WWOX: variants seen among roughly 807,000 people sequenced by gnomAD.
WWOX encodes WW domain containing oxidoreductase.
WWOX carries 69 observed loss-of-function variants against 46.2 expected under a neutral mutation model. That is an observed-to-expected ratio of 1.49 (90% CI 1.23 to 1.82). WWOX has a LOEUF of 1.82. Ranked by LOEUF, WWOX falls within the 40% of genes most tolerant of loss-of-function variation. The pLI, the probability that WWOX is intolerant of heterozygous loss-of-function variation, is 0.00. For missense variants in WWOX, 919 were observed against 542.6 expected (o/e 1.69, Z -6.89); for synonymous variants, 359 against 202.6 (o/e 1.77, Z -6.56).
chr16:78,512,070 C>G (rs747349030), intron 8 of WWOX, among the ~76,000 whole-genome samples: 2 of 152,168 alleles, frequency 1.3e-5, no homozygotes, highest in Non-Finnish European at 2.9e-5. Context: ...GTTATTCCAT[C>G]CAAGATTCTA....
At chr16:79,094,549 G>C (rs2150611971) in intron 8 of WWOX, among the ~76,000 whole-genome samples, 1 of 152,184 alleles carries the variant, frequency 6.6e-6, no homozygotes, top group Non-Finnish European at 1.5e-5. Flanking sequence ...ACCGCACCAG[G>C]CCATTTCCTC....
chr16:78,887,142 A>G (rs947473236), intron 8 of WWOX, among the ~76,000 whole-genome samples: 1 of 136,540 alleles, frequency 7.3e-6, no homozygotes, highest in African/African-American at 2.9e-5. Context: ...GTGTATACCT[A>G]GTCTAGGGCT....
intron 8 of WWOX, among the ~76,000 whole-genome samples, chr16:78,596,816 T>TCC (rs55965796): frequency 0.71 from 107,977 of 151,776 alleles, 38,702 homozygotes; most frequent in Non-Finnish European, 0.76. Flanking sequence ...TCAGCTGCCC[T>TCC]CATCTTTCTA....
intron 5 of WWOX, among the ~76,000 whole-genome samples, chr16:78,194,706 A>G (rs1255485719): frequency 1.3e-5 from 2 of 152,042 alleles, no homozygotes; most frequent in Admixed American, 1.3e-4. Flanking sequence ...TTTTTGGGAC[A>G]GGTGATCACC....
At chr16:79,041,270 G>C (rs1192552285) in intron 8 of WWOX, among the ~76,000 whole-genome samples, 3 of 152,130 alleles carry the variant, frequency 2.0e-5, no homozygotes, top group African/African-American at 4.8e-5. Flanking sequence ...TCCTTCATAA[G>C]GTTAATCATC....
At chr16:78,397,446 T>TAACC (rs1240506427) in intron 6 of WWOX, among the ~76,000 whole-genome samples, 1 of 152,146 alleles carries the variant, frequency 6.6e-6, no homozygotes, top group Non-Finnish European at 1.5e-5. Context: ...GTGCAATGAT[T>TAACC]AACCACATTT....
intron 4 of WWOX, among the ~76,000 whole-genome samples, chr16:78,163,633 G>A (rs78771683): frequency 0.012 from 1,804 of 152,270 alleles, 30 homozygotes; most frequent in African/African-American, 0.026. Flanking sequence ...AAACAGATAT[G>A]GGTGTGTATG....
chr16:78,307,310 T>C (rs975537861), intron 5 of WWOX, among the ~76,000 whole-genome samples: 1 of 152,196 alleles, frequency 6.6e-6, no homozygotes, highest in African/African-American at 2.4e-5. Flanking sequence ...AAACGGTGAA[T>C]GTTGCTTTAT....
intron 8 of WWOX, among the ~76,000 whole-genome samples, chr16:78,926,051 A>C (rs1181852212): frequency 2.6e-5 from 4 of 152,202 alleles, no homozygotes; most frequent in South Asian, 4.1e-4. Flanking sequence ...CAGACAGGAC[A>C]GGTAAGGAGA....
At chr16:78,511,262 A>T (rs766264405) in intron 8 of WWOX, among the ~76,000 whole-genome samples, 1 of 152,154 alleles carries the variant, frequency 6.6e-6, no homozygotes, top group East Asian at 1.9e-4. Flanking sequence ...ACAATTAGTC[A>T]CCATGTCTTT....
chr16:78,530,299 C>G (rs1277761748), intron 8 of WWOX, among the ~76,000 whole-genome samples: 1 of 152,176 alleles, frequency 6.6e-6, no homozygotes, highest in African/African-American at 2.4e-5. Context: ...CTTTTGCACC[C>G]ACATCTGGGT....
chr16:78,510,422 C>A (rs1209336686), intron 8 of WWOX, among the ~76,000 whole-genome samples: 2 of 152,062 alleles, frequency 1.3e-5, no homozygotes, highest in African/African-American at 4.8e-5. Flanking sequence ...ATTGGTTGGC[C>A]AGTATGGTCT....
At chr16:78,555,213 T>C (rs886201420) in intron 8 of WWOX, among the ~76,000 whole-genome samples, 1 of 150,382 alleles carries the variant, frequency 6.6e-6, no homozygotes. Flanking sequence ...AGAATCCTCA[T>C]TGGAGGCATG....
intron 8 of WWOX, among the ~76,000 whole-genome samples, chr16:78,654,700 G>C (rs2047042240): frequency 6.6e-6 from 1 of 151,786 alleles, no homozygotes; most frequent in African/African-American, 2.4e-5. Flanking sequence ...TATCCAGTAT[G>C]AAACCTAAAA....
intron 8 of WWOX, among the ~76,000 whole-genome samples, chr16:79,017,840 A>G (rs2047448878): frequency 6.6e-6 from 1 of 152,204 alleles, no homozygotes; most frequent in Non-Finnish European, 1.5e-5. Context: ...CTGTACATAA[A>G]CAGGCTGGTG....
intron 6 of WWOX, among the ~76,000 whole-genome samples, chr16:78,414,248 T>G (rs533215637): frequency 2.3e-4 from 35 of 152,172 alleles, no homozygotes; most frequent in African/African-American, 8.4e-4. Context: ...TTTTTCAAAC[T>G]CCGTCTGCCT....
At chr16:78,469,582 C>G (rs1444125244) in intron 8 of WWOX, among the ~76,000 whole-genome samples, 2 of 152,074 alleles carry the variant, frequency 1.3e-5, no homozygotes, top group East Asian at 3.9e-4. Flanking sequence ...TAAAAGGGGT[C>G]TAGTTAAGAG....
intron 8 of WWOX, among the ~76,000 whole-genome samples, chr16:78,494,723 A>C (rs921742992): frequency 6.6e-6 from 1 of 152,156 alleles, no homozygotes; most frequent in African/African-American, 2.4e-5. Flanking sequence ...AGGCTTGGTC[A>C]TCGGTCCTTG....
At chr16:78,789,114 A>G (rs1370411827) in intron 8 of WWOX, among the ~76,000 whole-genome samples, 2 of 152,164 alleles carry the variant, frequency 1.3e-5, no homozygotes, top group Non-Finnish European at 2.9e-5. Context: ...ATCCAAGGTC[A>G]TGAACGTTTA....
Sources: allele counts gnomAD v4.1 joint callset (sites outside exome capture counted in the v4.1 genomes callset), GRCh38; gene constraint gnomAD v4.1.1; transcripts MANE v1.5; gene names NCBI Gene and HGNC (gene_info 2026-07-23, HGNC 2026-07-21).